Variants in ARHGEF4 observed in about 807,000 individuals in gnomAD.
ARHGEF4 encodes the protein Rho guanine nucleotide exchange factor 4.
ARHGEF4 carries 119 observed loss-of-function variants against 162.0 expected under a neutral mutation model. That is an observed-to-expected ratio of 0.73 (90% CI 0.63 to 0.86). The LOEUF is 0.86. ARHGEF4 is among the 40% of genes least tolerant of loss of function. The pLI, the probability that ARHGEF4 is intolerant of heterozygous loss-of-function variation, is 0.00. For missense variants in ARHGEF4, 2,488 were observed against 2,456.0 expected (o/e 1.01, Z -0.28); for synonymous variants, 1,014 against 979.9 (o/e 1.03, Z -0.65).
intron 1 of ARHGEF4, among the ~76,000 whole-genome samples, chr2:130,867,867 G>A (rs576582860): frequency 1.9e-3 from 286 of 151,696 alleles, no homozygotes; most frequent in Middle Eastern, 0.011. Context: ...CGCCCCCTGC[G>A]CCATGTTTTG....
At chr2:131,021,954 T>G (rs2105355211) in intron 4 of ARHGEF4, among the ~76,000 whole-genome samples, 1 of 152,378 alleles carries the variant, frequency 6.6e-6, no homozygotes, top group Non-Finnish European at 1.5e-5. Context: ...TGTATTATAT[T>G]GATTTGCTCT....
At chr2:131,039,590 T>G (rs1335181419) in intron 6 of ARHGEF4, 1 of 1,039,796 alleles carries the variant, frequency 9.6e-7, no homozygotes, top group South Asian at 3.8e-5. Flanking sequence ...CAGATGCTCC[T>G]CCTGCCCCAG....
chr2:130,854,846 T>TTTTA (rs58855269), intron 1 of ARHGEF4, among the ~76,000 whole-genome samples: 70,981 of 139,836 alleles, frequency 0.51, 18,726 homozygotes, highest in Non-Finnish European at 0.57. Context: ...GGAGTCTGAC[T>TTTTA]TTTATTTATT....
intron 1 of ARHGEF4, among the ~76,000 whole-genome samples, chr2:130,847,649 C>T (rs958633033): frequency 7.9e-5 from 12 of 152,326 alleles, no homozygotes; most frequent in Admixed American, 3.3e-4. Context: ...GGGCCTGACC[C>T]CCTGAAGCAG....
At chr2:130,887,663 C>A (rs879748920) in intron 1 of ARHGEF4, among the ~76,000 whole-genome samples, 26 of 152,024 alleles carry the variant, frequency 1.7e-4, no homozygotes, top group Admixed American at 3.3e-4. Context: ...AAAACAACAA[C>A]AAAATGACAA....
intron 3 of ARHGEF4, among the ~76,000 whole-genome samples, chr2:130,934,313 A>G (rs1682810827): frequency 6.6e-6 from 1 of 151,670 alleles, no homozygotes; most frequent in African/African-American, 2.4e-5. Context: ...CTGGTCTTAT[A>G]GAATGAGTTA....
intron 4 of ARHGEF4, among the ~76,000 whole-genome samples, chr2:130,993,075 CTG>C (rs1459725349): frequency 6.6e-6 from 1 of 152,194 alleles, no homozygotes; most frequent in Non-Finnish European, 1.5e-5. Context: ...CAGAGCAAGA[CTG>C]TTCAAAAACA....
intron 1 of ARHGEF4, among the ~76,000 whole-genome samples, chr2:130,898,927 A>C (rs1389113347): frequency 6.6e-6 from 1 of 152,102 alleles, no homozygotes; most frequent in Non-Finnish European, 1.5e-5. Flanking sequence ...GAAGATCCCC[A>C]GCCCACTCCC....
intron 1 of ARHGEF4, among the ~76,000 whole-genome samples, chr2:130,875,145 C>A (rs544771943): frequency 1.3e-5 from 2 of 152,282 alleles, no homozygotes; most frequent in Admixed American, 1.3e-4. Context: ...CTTTTTCTCT[C>A]ATGAGCTCTA....
chr2:130,986,656 C>T (rs2105268000), intron 4 of ARHGEF4, among the ~76,000 whole-genome samples: 1 of 152,276 alleles, frequency 6.6e-6, no homozygotes, highest in African/African-American at 2.4e-5. Context: ...TGGGACCCTC[C>T]ACCAGCAGCA....
At position 131,033,818 on chromosome 2, in the gene ARHGEF4, C is replaced by T. The variant is rs1389959649; in HGVS notation, c.4126-5035C>T. On this transcript the variant is annotated intron_variant, in intron 5 of 13. Coordinates refer to ENST00000409359, the MANE Select transcript of ARHGEF4 (RefSeq NM_001367493.1). ...GGGAGGCACACAGCCTCTCTGGACA[C>T]ATCCCTGACACTTCTCTGCACACAC... Among the ~76,000 whole-genome samples, 3 of 152,288 alleles carry T rather than the reference C, an allele frequency of 2.0e-5. No homozygotes were observed. The East Asian group carries it at 5.8e-4, about 29-fold the overall frequency.
At chr2:130,986,457 G>A (rs1024108698) in intron 4 of ARHGEF4, among the ~76,000 whole-genome samples, 1 of 152,222 alleles carries the variant, frequency 6.6e-6, no homozygotes, top group African/African-American at 2.4e-5. Context: ...TTAAAAAGAT[G>A]CCATTTATAC....
rs545460009 is a variant in ARHGEF4, at chr2:130,998,431, A to G, written c.3986-29514A>G. Reference sequence around the variant, plus strand: ...AGGTGTCTACCATCCAGTACCATACAGAGAAATTTCAGTGCCCTAATGATC... The same window carrying G: ...AGGTGTCTACCATCCAGTACCATACGGAGAAATTTCAGTGCCCTAATGATC... On this transcript the variant is annotated intron_variant, in intron 4 of 13. Coordinates refer to ENST00000409359, the MANE Select transcript of ARHGEF4 (RefSeq NM_001367493.1). 2.0e-5 allele frequency among the ~76,000 whole-genome samples: 3 copies of G among 152,304 alleles called. No homozygotes were observed. The South Asian group carries it at 6.2e-4, about 32-fold the overall frequency.
In ARHGEF4 at chr2:131,020,278, T is replaced by C. The variant is rs571975163; in HGVS notation, c.3986-7667T>C. 3.1e-3 allele frequency among the ~76,000 whole-genome samples: 467 copies of C among 151,954 alleles called. 1 individual carries two copies. Among genetic ancestry groups the C allele is most frequent in the Non-Finnish European group, 5.1e-3 (347 of 67,946 alleles). On this transcript the variant is annotated intron_variant, in intron 4 of 13. Coordinates refer to ENST00000409359, the MANE Select transcript of ARHGEF4 (RefSeq NM_001367493.1). ...TATGTATACATGTGCCATGTTGGTG[T>C]GCTGCACCCATTAACTCTTCATTTA...
At chr2:131,038,407 C>A (rs1244696474) in intron 5 of ARHGEF4, among the ~76,000 whole-genome samples, 2 of 145,296 alleles carry the variant, frequency 1.4e-5, no homozygotes, top group Non-Finnish European at 3.0e-5. Context: ...CAGCCCTCAG[C>A]CTCTCCCTCC....
intron 2 of ARHGEF4, among the ~76,000 whole-genome samples, chr2:130,917,703 T>G (rs1319917993): frequency 6.6e-6 from 1 of 152,162 alleles, no homozygotes; most frequent in Non-Finnish European, 1.5e-5. Context: ...CAAGCCAGAA[T>G]TGGCATTTCA....
At chr2:130,875,970 CT>C (rs1678807006) in intron 1 of ARHGEF4, among the ~76,000 whole-genome samples, 1 of 152,186 alleles carries the variant, frequency 6.6e-6, no homozygotes, top group African/African-American at 2.4e-5. Flanking sequence ...CTCTCTTTCT[CT>C]TTCTGTAACT....
intron 1 of ARHGEF4, among the ~76,000 whole-genome samples, chr2:130,851,176 G>C (rs2104883595): frequency 6.6e-6 from 1 of 152,392 alleles, no homozygotes; most frequent in Non-Finnish European, 1.5e-5. Context: ...GGGTGGTTGG[G>C]ATAGGACCTG....
At chr2:130,877,689 G>C (rs1053147756) in intron 1 of ARHGEF4, among the ~76,000 whole-genome samples, 2 of 152,070 alleles carry the variant, frequency 1.3e-5, no homozygotes, top group African/African-American at 2.4e-5. Flanking sequence ...ACCTTCTCAG[G>C]GGTCCTTCTC....
Sources: allele counts gnomAD v4.1 joint callset (sites outside exome capture counted in the v4.1 genomes callset), GRCh38; gene constraint gnomAD v4.1.1; transcripts MANE v1.5; gene names NCBI Gene and HGNC (gene_info 2026-07-23, HGNC 2026-07-21).